The following KCNU1 variants were observed in gnomAD, a reference collection of about 807,000 sequenced individuals.
KCNU1 encodes potassium calcium-activated channel subfamily U member 1, also known as potassium channel subfamily U member 1.
A neutral mutation model predicts 126.8 loss-of-function variants in KCNU1; 93 were observed. The observed-to-expected ratio is 0.73, with a 90% CI of 0.62 to 0.87. KCNU1 has a LOEUF of 0.87. KCNU1 is among the 40% of genes least tolerant of loss of function. The probability of loss-of-function intolerance (pLI) is 0.00; values close to 1 mark genes in which losing one functional copy is unlikely to be tolerated. For synonymous variants in KCNU1, 523 were observed against 494.2 expected, an observed-to-expected ratio of 1.06 and a Z score of -0.77; for missense variants, 1,330 against 1,367.1, an observed-to-expected ratio of 0.97 and a Z score of 0.43.
intron 7 of KCNU1, among the ~76,000 whole-genome samples, chr8:36,812,543 G>A (rs1004511180): frequency 2.6e-5 from 4 of 152,142 alleles, no homozygotes; most frequent in Non-Finnish European, 4.4e-5. Context: ...AGAAGATAGA[G>A]TGTCCTCATA....
At chr8:36,910,454 T>C (rs910442329) in intron 21 of KCNU1, among the ~76,000 whole-genome samples, 1 of 152,190 alleles carries the variant, frequency 6.6e-6, no homozygotes, top group Non-Finnish European at 1.5e-5. Flanking sequence ...CAGTACCAGA[T>C]TGATCTCTGT....
At chr8:36,865,632 C>G (rs1805879632) in intron 19 of KCNU1, among the ~76,000 whole-genome samples, 1 of 150,114 alleles carries the variant, frequency 6.7e-6, no homozygotes, top group African/African-American at 2.5e-5. Context: ...AAAAATGAGC[C>G]AGGCCTGGTG....
chr8:36,787,593 A>G (rs574945725), intron 2 of KCNU1, among the ~76,000 whole-genome samples, 168 bp downstream of exon 2: 5 of 151,220 alleles, frequency 3.3e-5, no homozygotes, highest in Non-Finnish European at 7.4e-5. Flanking sequence ...ACCACTCTTT[A>G]CCCGTTATCT....
At position 36,803,930 on chromosome 8, in the gene KCNU1, G is replaced by C. The variant is rs117228362; in HGVS notation, c.316-97G>C. 6 of 781,262 alleles carry C rather than the reference G, an allele frequency of 7.7e-6. No homozygotes were observed. The South Asian group carries it at 8.8e-5, about 12-fold the overall frequency. The allele number at this position is 781,262 out of a possible 1,614,324, so 48.4% of individuals were successfully genotyped here. Reference sequence around the variant, plus strand: ...TGAATATGTGAATAAATGGCTACACGTACACAGGCATGGTAAAAAGAGAAA... The same window carrying C: ...TGAATATGTGAATAAATGGCTACACCTACACAGGCATGGTAAAAAGAGAAA... On this transcript the variant is annotated intron_variant, in intron 2 of 26. Coordinates refer to ENST00000399881, the MANE Select transcript of KCNU1 (RefSeq NM_001031836.3).
chr8:36,912,726 C>T (rs1807930096), intron 22 of KCNU1, among the ~76,000 whole-genome samples: 1 of 151,892 alleles, frequency 6.6e-6, no homozygotes, highest in Admixed American at 6.6e-5. Flanking sequence ...AATCCCAGCA[C>T]TTTGGGAGGC....
chr8:36,934,106 G>A (rs1383899376), intron 26 of KCNU1, among the ~76,000 whole-genome samples: 1 of 152,068 alleles, frequency 6.6e-6, no homozygotes, highest in African/African-American at 2.4e-5. Context: ...AGAAGTTGTA[G>A]TCAGCTGTGT....
At chr8:36,923,702 T>A (rs962057207) in intron 24 of KCNU1, among the ~76,000 whole-genome samples, 25 of 152,188 alleles carry the variant, frequency 1.6e-4, no homozygotes, top group African/African-American at 6.0e-4. Flanking sequence ...TGCATTTGGG[T>A]CATCCTTACT....
At chr8:36,843,262 A>G (rs564486481) in intron 16 of KCNU1, among the ~76,000 whole-genome samples, 4 of 152,294 alleles carry the variant, frequency 2.6e-5, no homozygotes, top group Non-Finnish European at 4.4e-5. Context: ...CCTAACACAC[A>G]TGTACCTCAA....
intron 18 of KCNU1, among the ~76,000 whole-genome samples, chr8:36,849,285 G>A (rs900776649): frequency 6.6e-6 from 1 of 152,140 alleles, no homozygotes; most frequent in Non-Finnish European, 1.5e-5. Context: ...CCATGCTGTA[G>A]CATGTATCAA....
In KCNU1 at chr8:36,845,975, T is replaced by A; in HGVS notation, c.1891+76T>A. On this transcript the variant is annotated intron_variant, in intron 18 of 26. Coordinates refer to ENST00000399881, the MANE Select transcript of KCNU1 (RefSeq NM_001031836.3). ...CCTGACGAAAGAGAAGAGGGTTCCA[T>A]CTCTTAAAAGGCAATGTCCATTTGA... The A allele has an allele frequency of 3.5e-6, 3 of 867,038 alleles. No homozygotes were observed. The East Asian group carries it at 7.9e-5, about 23-fold the overall frequency. 53.7% of individuals were successfully genotyped at this position (867,038 alleles called of 1,614,324 possible).
In KCNU1 at chr8:36,789,363, A is replaced by T. The variant is rs541793690; in HGVS notation, c.315+1938A>T. Among the ~76,000 whole-genome samples the T allele has an allele frequency of 1.8e-3, 260 of 141,494 alleles. 3 individuals carry two copies. Among genetic ancestry groups the T allele is most frequent in the African/African-American group, 6.8e-3 (246 of 36,304 alleles). The allele number at this position is 141,494 out of a possible 152,430, so 92.8% of individuals were successfully genotyped here. ...TAGGCGACAGAGAGAGACCCCATCT[A>T]AAAAAAAAAACACTCTAGCATGGAA... On this transcript the variant is annotated intron_variant, in intron 2 of 26. Transcript: ENST00000399881.
At chr8:36,928,695 T>C (rs895573469) in intron 24 of KCNU1, among the ~76,000 whole-genome samples, 1 of 152,192 alleles carries the variant, frequency 6.6e-6, no homozygotes, top group Non-Finnish European at 1.5e-5. Context: ...ACCTATCCAT[T>C]GAAGTCAATA....
intron 15 of KCNU1, 44 bp from the exon 16 acceptor site, chr8:36,840,888 A>G (rs1804925273): frequency 2.2e-6 from 3 of 1,361,944 alleles, no homozygotes; most frequent in Non-Finnish European, 1.1e-6. Context: ...TTTGTTGTTC[A>G]CTGACCGCTT....
chr8:36,816,990 G>A (rs1803938211), intron 9 of KCNU1, among the ~76,000 whole-genome samples: 1 of 151,974 alleles, frequency 6.6e-6, no homozygotes, highest in Admixed American at 6.6e-5. Context: ...CAGACAACTA[G>A]GAATTAAGTG....
intron 13 of KCNU1, 91 bp downstream of exon 13, chr8:36,836,456 A>T: frequency 2.2e-6 from 2 of 892,678 alleles, no homozygotes; most frequent in Non-Finnish European, 1.7e-6. Flanking sequence ...GTAAATAAAA[A>T]GTTTTTGCTA....
chr8:36,842,160 T>A (rs1228248449), intron 16 of KCNU1, among the ~76,000 whole-genome samples: 1 of 152,188 alleles, frequency 6.6e-6, no homozygotes, highest in South Asian at 2.1e-4. Context: ...ATTTGTAGAA[T>A]GAGGAAATAG....
intron 4 of KCNU1, among the ~76,000 whole-genome samples, chr8:36,805,841 A>G (rs938703946): frequency 4.6e-5 from 7 of 152,162 alleles, no homozygotes; most frequent in Admixed American, 3.3e-4. Context: ...CATGCTATAT[A>G]TAAAAACATC....
At chr8:36,815,737 C>A in intron 9 of KCNU1, 50 bp downstream of exon 9, 1 of 1,049,610 alleles carries the variant, frequency 9.5e-7, no homozygotes, top group Non-Finnish European at 1.4e-6. Context: ...ATTCTATTAG[C>A]CATATATCTC....
intron 3 of KCNU1, among the ~76,000 whole-genome samples, chr8:36,804,895 C>G (rs760897971): frequency 6.6e-6 from 1 of 151,940 alleles, no homozygotes; most frequent in Non-Finnish European, 1.5e-5. Flanking sequence ...CCAAGAAGAG[C>G]CTCATCATCT....
Sources: gnomAD v4.1 joint callset for allele counts (sites outside exome capture counted in the v4.1 genomes callset) on GRCh38, gnomAD v4.1.1 for gene constraint, MANE v1.5 for transcripts, NCBI Gene and HGNC (gene_info 2026-07-23, HGNC 2026-07-21) for gene names.